The following CNST variants were observed in gnomAD, a reference collection of about 807,000 sequenced individuals.
CNST encodes consortin.
A neutral mutation model predicts 72.4 loss-of-function variants in CNST; 39 were observed. The ratio of observed to expected loss-of-function variants is 0.54; its 90% CI spans 0.42 to 0.70. The LOEUF (loss-of-function observed/expected upper bound fraction) is 0.70. Among genes scored for constraint, CNST ranks in the 30% least tolerant of loss-of-function variants. The pLI is 0.00. For missense variants in CNST, 871 were observed against 868.5 expected (o/e 1.00, Z -0.04); for synonymous variants, 332 against 320.1 (o/e 1.04, Z -0.40).
At chr1:246,614,624 G>A (rs953880833) in intron 2 of CNST, among the ~76,000 whole-genome samples, 9 of 151,554 alleles carry the variant, frequency 5.9e-5, no homozygotes, top group East Asian at 1.9e-4. Context: ...GGCATGCGCC[G>A]CCACGCCCAG....
At chr1:246,658,935 C>T (rs540805639) in intron 9 of CNST, among the ~76,000 whole-genome samples, 1 of 152,328 alleles carries the variant, frequency 6.6e-6, no homozygotes, top group Non-Finnish European at 1.5e-5. Context: ...CTTCTTCCTG[C>T]ACCTTGGAGT....
chr1:246,662,048 A>G (rs1190400261), intron 10 of CNST, among the ~76,000 whole-genome samples: 1 of 152,232 alleles, frequency 6.6e-6, no homozygotes. Context: ...TAAGTCACTT[A>G]CTTGTAGGAG....
intron 2 of CNST, among the ~76,000 whole-genome samples, chr1:246,602,166 C>A (rs1329491027): frequency 6.6e-6 from 1 of 152,058 alleles, no homozygotes; most frequent in East Asian, 1.9e-4. Context: ...AAAGTACAAA[C>A]GTCAGAGGAA....
chr1:246,647,818 A>G lies in CNST; in HGVS notation c.1617A>G (p.Gln539=), dbSNP rs1193682058. 1.2e-6 allele frequency: 2 copies of G among 1,614,166 alleles called. No homozygotes were observed. The highest frequency in any genetic ancestry group is 1.7e-6 in the Non-Finnish European group (2 of 1,180,022). The stretch of plus-strand genomic sequence containing the variant: ...AGGAAAAGGGAGATAAAGACGACCA[A>G]CTCAACAAAGAAACAGAAGACTATT... ...APEEKGDKDD[Q]LNKETEDYLN... is the part of the protein sequence containing the mutation. The change falls in exon 9 of 11, where the codon CAA becomes CAG. Residue 539 remains glutamine (Q), a synonymous_variant. Transcript: ENST00000366513.
Position 246,654,854 on chromosome 1 carries a change from G to T in CNST, c.1837-5345G>T, listed in dbSNP as rs192805405. Among the ~76,000 whole-genome samples the T allele has an allele frequency of 3.9e-4, 59 of 151,710 alleles. 1 individual carries two copies. Among genetic ancestry groups the T allele is most frequent in the Admixed American group, 3.9e-3 (59 of 15,250 alleles). Reference sequence around the variant, plus strand: ...TTTTTTATTCTTTGGCATATTTAGTGAGCACCTACTATATTATAGAAACTA... The same window carrying T: ...TTTTTTATTCTTTGGCATATTTAGTTAGCACCTACTATATTATAGAAACTA... On this transcript the variant is annotated intron_variant, in intron 9 of 10. Coordinates refer to ENST00000366513, the MANE Select transcript of CNST (RefSeq NM_152609.3).
At chr1:246,626,577 T>C (rs1311934911) in intron 3 of CNST, among the ~76,000 whole-genome samples, 3 of 148,212 alleles carry the variant, frequency 2.0e-5, no homozygotes, top group Non-Finnish European at 4.5e-5. Flanking sequence ...CTGTCTCAGC[T>C]CCACAAGTAG....
rs143489179 is a variant in CNST at position 246,594,983 on chromosome 1, G to A, written c.379+3042G>A. Among the ~76,000 whole-genome samples, 539 of 152,196 alleles carry A rather than the reference G, an allele frequency of 3.5e-3. 3 individuals carry two copies. Among genetic ancestry groups the A allele is most frequent in the African/African-American group, 0.012 (516 of 41,522 alleles). On this transcript the variant is annotated intron_variant, in intron 2 of 10. Coordinates refer to ENST00000366513, the MANE Select transcript of CNST (RefSeq NM_152609.3). ...TATACTCTATACTTGAATAAAATGTGGTGATTCACCTCTAGTGCATCTATA... is the reference window on the plus strand; with the variant it reads ...TATACTCTATACTTGAATAAAATGTAGTGATTCACCTCTAGTGCATCTATA...
intron 2 of CNST, among the ~76,000 whole-genome samples, chr1:246,597,819 C>T (rs1661984262): frequency 6.6e-6 from 1 of 152,060 alleles, no homozygotes; most frequent in African/African-American, 2.4e-5. Flanking sequence ...TTCCCTGAAC[C>T]CCTTTTCTCA....
intron 9 of CNST, among the ~76,000 whole-genome samples, chr1:246,657,721 G>T (rs1423780365): frequency 6.6e-6 from 1 of 152,208 alleles, no homozygotes; most frequent in African/African-American, 2.4e-5. Context: ...CTGAGCAGGA[G>T]CTAAGGCAGG....
intron 1 of CNST, among the ~76,000 whole-genome samples, chr1:246,574,275 T>C (rs147591338): frequency 0.023 from 3,457 of 152,204 alleles, 139 homozygotes; most frequent in African/African-American, 0.078. Flanking sequence ...TCTCCTTACC[T>C]TGTGATCCGC....
intron 3 of CNST, among the ~76,000 whole-genome samples, chr1:246,628,921 T>C (rs184494465): frequency 4.6e-5 from 7 of 152,336 alleles, no homozygotes; most frequent in Admixed American, 3.9e-4. Flanking sequence ...CCACTCAGCA[T>C]CTTGCAATTC....
At chr1:246,608,441 T>G (rs960448378) in intron 2 of CNST, among the ~76,000 whole-genome samples, 6 of 152,232 alleles carry the variant, frequency 3.9e-5, no homozygotes, top group African/African-American at 7.2e-5. Context: ...TGTTAAAGTG[T>G]AAAATGTCTA....
At chr1:246,647,100 G>T in intron 8 of CNST, 39 bp from the exon 9 acceptor site, 1 of 1,561,174 alleles carries the variant, frequency 6.4e-7, no homozygotes, top group Non-Finnish European at 8.7e-7. Context: ...ACAAAGTGTT[G>T]TTTTGAATTT....
intron 2 of CNST, among the ~76,000 whole-genome samples, chr1:246,610,518 T>C (rs1334435268): frequency 6.6e-6 from 1 of 152,188 alleles, no homozygotes; most frequent in African/African-American, 2.4e-5. Flanking sequence ...CTGTACTGTT[T>C]TTTTGATATG....
At chr1:246,643,876 AT>A (rs1367764101) in intron 8 of CNST, among the ~76,000 whole-genome samples, 3 of 152,096 alleles carry the variant, frequency 2.0e-5, no homozygotes, top group Non-Finnish European at 4.4e-5. Context: ...TTTCTGTAGT[AT>A]TTCTAAATAA....
intron 9 of CNST, among the ~76,000 whole-genome samples, chr1:246,652,824 G>GA (rs952659484): frequency 6.6e-6 from 1 of 150,508 alleles, no homozygotes; most frequent in Non-Finnish European, 1.5e-5. Context: ...CTAACACGGT[G>GA]AAACCCCGTC....
At chr1:246,639,970 C>T (rs1262240293) in intron 6 of CNST, among the ~76,000 whole-genome samples, 1 of 152,178 alleles carries the variant, frequency 6.6e-6, no homozygotes, top group African/African-American at 2.4e-5. Flanking sequence ...TCCGGCCAGC[C>T]CTCTTCCTGC....
Position 246,586,091 on chromosome 1 carries a change from GGA to G in CNST, c.-51-5418_-51-5417del, listed in dbSNP as rs1414672612. ...TGAGACCATGTCTTGGGGGAGAGGG[GGA>G]GATATATATATATATATATGTGTGT... On this transcript the variant is annotated intron_variant, in intron 1 of 10. Coordinates refer to ENST00000366513, the MANE Select transcript of CNST (RefSeq NM_152609.3). Among the ~76,000 whole-genome samples the G allele has an allele frequency of 2.7e-5, 3 of 111,424 alleles. No individual in the cohort carries two copies. The East Asian group carries it at 7.5e-4, about 28-fold the overall frequency. 73.1% of individuals were successfully genotyped at this position (111,424 alleles called of 152,430 possible). A position where few individuals can be genotyped will look rare whatever the true frequency, so the allele number is the denominator to read the frequency against.
chr1:246,610,614 G>A (rs182923804), intron 2 of CNST, among the ~76,000 whole-genome samples: 1 of 152,166 alleles, frequency 6.6e-6, no homozygotes, highest in East Asian at 1.9e-4. Flanking sequence ...CTTTGTTCAG[G>A]GTTGGCTGTT....
Sources: allele counts gnomAD v4.1 joint callset (sites outside exome capture counted in the v4.1 genomes callset), GRCh38; gene constraint gnomAD v4.1.1; transcripts MANE v1.5; gene names NCBI Gene and HGNC (gene_info 2026-07-23, HGNC 2026-07-21).